Variants in C1orf87 observed in about 807,000 individuals in gnomAD.
C1orf87 encodes uncharacterized protein C1orf87.
In C1orf87, 58 loss-of-function variants were observed where a neutral mutation model predicts 60.5. The observed-to-expected ratio is 0.96, with a 90% confidence interval of 0.78 to 1.19. The LOEUF (loss-of-function observed/expected upper bound fraction) is 1.19. C1orf87 is among the 50% of genes most tolerant of loss of function. C1orf87 has a pLI of 0.00. For synonymous variants in C1orf87, 236 were observed against 227.4 expected (o/e 1.04, Z -0.34); for missense variants, 673 against 638.6 (o/e 1.05, Z -0.58).
Position 60,039,625 on chromosome 1 carries a change from C to T in C1orf87, c.747+292G>A, listed in dbSNP as rs140118244. ...CTAAGCTAGCTCATGAATGGACTTG[C>T]GTGGGCCCATTTTCTTGAATCTGTA... On this transcript the variant is annotated intron_variant, in intron 5 of 11. Transcript: ENST00000371201. 1.7e-4 allele frequency among the ~76,000 whole-genome samples: 26 copies of T among 152,268 alleles called. No individual in the cohort carries two copies. The East Asian group carries it at 3.3e-3, about 19-fold the overall frequency.
chr1:60,016,765 C>T (rs1481331439), intron 8 of C1orf87, among the ~76,000 whole-genome samples: 1 of 152,114 alleles, frequency 6.6e-6, no homozygotes, highest in African/African-American at 2.4e-5. Context: ...TCATACCTGC[C>T]CCTGGAGCTT....
intron 6 of C1orf87, among the ~76,000 whole-genome samples, chr1:60,036,595 T>C (rs1645279045): frequency 1.3e-5 from 2 of 152,188 alleles, no homozygotes; most frequent in South Asian, 4.1e-4. Context: ...ATCATGCCCA[T>C]TTTACAGTTG....
In C1orf87 at chr1:60,061,650, G is replaced by A. The variant is rs192662092; in HGVS notation, c.108-6212C>T. 1.0e-3 allele frequency among the ~76,000 whole-genome samples: 158 copies of A among 151,538 alleles called. 1 individual carries two copies. The highest frequency in any genetic ancestry group is 7.9e-3 in the Admixed American group (120 of 15,174). The stretch of plus-strand genomic sequence containing the variant: ...TCTGTGGACTTACTCTATCAATGGT[G>A]CCCATGAGGCCAGGCATAGTGGCTC... On this transcript the variant is annotated intron_variant, in intron 2 of 11. Transcript: ENST00000371201.
In C1orf87 at chr1:60,041,148, C is replaced by A; in HGVS notation, c.343-17G>T. On this transcript the variant is annotated splice_polypyrimidine_tract_variant and intron_variant, in intron 3 of 11. Coordinates refer to ENST00000371201, the MANE Select transcript of C1orf87 (RefSeq NM_152377.3). ...ACTGGGAATCTTAACAGAACAAGGA[C>A]AAAGGGAAGCAAGGAGCAGAAGAGG... The A allele has an allele frequency of 2.0e-6, 3 of 1,520,226 alleles. No homozygotes were observed. Among genetic ancestry groups the A allele is most frequent in the Non-Finnish European group, 2.7e-6 (3 of 1,120,338 alleles). The allele number at this position is 1,520,226 out of a possible 1,614,324, so 94.2% of individuals were successfully genotyped here.
chr1:60,062,676 T>TC (rs1645505340), intron 2 of C1orf87, among the ~76,000 whole-genome samples: 1 of 152,176 alleles, frequency 6.6e-6, no homozygotes, highest in African/African-American at 2.4e-5. Context: ...AGGCTGTTCA[T>TC]CTTTTTCCCA....
chr1:60,006,604 CTCTTCT>C lies in C1orf87; in HGVS notation c.1192+3782_1192+3787del, dbSNP rs67971413. Among the ~76,000 whole-genome samples, 374 of 151,890 alleles carry C rather than the reference CTCTTCT, an allele frequency of 2.5e-3. 2 individuals are homozygous for C. Among genetic ancestry groups the C allele is most frequent in the African/African-American group, 8.8e-3 (363 of 41,430 alleles). On this transcript the variant is annotated intron_variant, in intron 9 of 11. Transcript: ENST00000371201. ...AACTCTGCTCTTTGCTTTCTGCATC[CTCTTCT>C]TCTTCTCTCTTGTTCACAGGCTCCA...
rs547930126 is a variant in C1orf87 at position 60,063,881 on chromosome 1, C to T, written c.108-8443G>A. 1.2e-4 allele frequency among the ~76,000 whole-genome samples: 19 copies of T among 152,010 alleles called. 1 individual carries two copies. Among genetic ancestry groups the T allele is most frequent in the African/African-American group, 3.1e-4 (13 of 41,476 alleles). On this transcript the variant is annotated intron_variant, in intron 2 of 11. Transcript: ENST00000371201. ...TGATGGCCAGTACTGAGTGTCAACT[C>T]GATAGGATTGACGGATGCAAATTAT... is the stretch of plus-strand genomic sequence containing the variant.
intron 11 of C1orf87, among the ~76,000 whole-genome samples, chr1:59,992,217 T>A (rs906759271): frequency 1.4e-5 from 2 of 147,010 alleles, no homozygotes; most frequent in Admixed American, 1.4e-4. Context: ...TTGCTTCAAG[T>A]AGGGGTCTAT....
chr1:59,993,601 C>T (rs1175416520), intron 11 of C1orf87, among the ~76,000 whole-genome samples: 1 of 152,100 alleles, frequency 6.6e-6, no homozygotes, highest in South Asian at 2.1e-4. Flanking sequence ...TAGAGTCAAA[C>T]AAAAAGTCCA....
At chr1:60,055,172 C>T (rs1314439276) in intron 3 of C1orf87, 32 bp downstream of exon 3, 1 of 1,518,158 alleles carries the variant, frequency 6.6e-7, no homozygotes, top group East Asian at 2.3e-5. Context: ...AATAAATTAT[C>T]AAGATAAACG....
chr1:60,039,356 G>A (rs1398739981), intron 5 of C1orf87, among the ~76,000 whole-genome samples: 1 of 152,260 alleles, frequency 6.6e-6, no homozygotes, highest in African/African-American at 2.4e-5. Context: ...TTCAGACATA[G>A]GTATGAGCTT....
chr1:60,020,838 T>A (rs548589633), intron 8 of C1orf87, among the ~76,000 whole-genome samples: 10 of 152,210 alleles, frequency 6.6e-5, no homozygotes, highest in Middle Eastern at 3.4e-3. Flanking sequence ...AACATGAGAT[T>A]TGGGAGGACC....
chr1:60,071,207 A>G (rs1336465176), intron 2 of C1orf87, among the ~76,000 whole-genome samples: 4 of 152,198 alleles, frequency 2.6e-5, no homozygotes, highest in South Asian at 2.1e-4. Flanking sequence ...TTTTATATCT[A>G]TAGAAAGACT....
At chr1:60,072,137 T>A (rs1387464472) in intron 2 of C1orf87, among the ~76,000 whole-genome samples, 3 of 152,180 alleles carry the variant, frequency 2.0e-5, no homozygotes. Context: ...ACCTTACAAT[T>A]TATGATTCTG....
At chr1:60,018,975 T>C (rs529069870) in intron 8 of C1orf87, among the ~76,000 whole-genome samples, 2 of 152,300 alleles carry the variant, frequency 1.3e-5, no homozygotes, top group East Asian at 3.9e-4. Flanking sequence ...ATATTCCTAG[T>C]GTGTAAGAGT....
intron 3 of C1orf87, among the ~76,000 whole-genome samples, chr1:60,046,632 C>T (rs893393301): frequency 5.3e-5 from 8 of 151,740 alleles, no homozygotes; most frequent in Non-Finnish European, 1.0e-4. Context: ...GAGATAGGTT[C>T]TTGCTAGGTT....
At chr1:60,006,016 C>T (rs1449478786) in intron 9 of C1orf87, among the ~76,000 whole-genome samples, 3 of 151,850 alleles carry the variant, frequency 2.0e-5, no homozygotes, top group Non-Finnish European at 4.4e-5. Flanking sequence ...TCAATGATGG[C>T]CATAAAACTC....
At chr1:60,066,384 A>C (rs1180192559) in intron 2 of C1orf87, among the ~76,000 whole-genome samples, 1 of 152,190 alleles carries the variant, frequency 6.6e-6, no homozygotes, top group Non-Finnish European at 1.5e-5. Flanking sequence ...TCAATTCAAC[A>C]ATGTTCACAG....
intron 9 of C1orf87, among the ~76,000 whole-genome samples, chr1:60,007,117 G>A (rs1006315266): frequency 1.3e-5 from 2 of 151,952 alleles, no homozygotes; most frequent in African/African-American, 4.8e-5. Flanking sequence ...TCACCTTGTT[G>A]CCCAGGCTGG....
Sources: allele counts gnomAD v4.1 joint callset (sites outside exome capture counted in the v4.1 genomes callset), GRCh38; gene constraint gnomAD v4.1.1; transcripts MANE v1.5; gene names NCBI Gene and HGNC (gene_info 2026-07-23, HGNC 2026-07-21).